Variants in ST6GALNAC3 observed in about 807,000 individuals in gnomAD.
ST6GALNAC3 encodes the protein alpha-N-acetylgalactosaminide alpha-2,6-sialyltransferase 3.
Under a neutral mutation model 32.7 loss-of-function variants are expected in ST6GALNAC3, and 25 were observed. The observed-to-expected ratio is 0.76, with a 90% confidence interval of 0.56 to 1.07. ST6GALNAC3 has a LOEUF of 1.07. Ranked by LOEUF, ST6GALNAC3 falls within the 50% of genes least tolerant of loss-of-function variation. The probability of loss-of-function intolerance (pLI) is 0.00; values close to 1 mark genes in which losing one functional copy is unlikely to be tolerated. For missense variants in ST6GALNAC3, 355 were observed against 382.4 expected, an observed-to-expected ratio of 0.93 and a Z score of 0.60; for synonymous variants, 129 against 133.1, an observed-to-expected ratio of 0.97 and a Z score of 0.21.
At chr1:76,457,657 G>T (rs568600153) in intron 3 of ST6GALNAC3, among the ~76,000 whole-genome samples, 1 of 152,022 alleles carries the variant, frequency 6.6e-6, no homozygotes, top group Non-Finnish European at 1.5e-5. Flanking sequence ...TTAATAAATG[G>T]TGCTTGGAAA....
intron 1 of ST6GALNAC3, among the ~76,000 whole-genome samples, chr1:76,083,261 G>A (rs1404175879): frequency 6.6e-6 from 1 of 152,268 alleles, no homozygotes; most frequent in African/African-American, 2.4e-5. Flanking sequence ...GCAAATGACT[G>A]TCGTGAGTTG....
chr1:76,237,772 A>G (rs914435748), intron 1 of ST6GALNAC3, among the ~76,000 whole-genome samples: 1 of 152,230 alleles, frequency 6.6e-6, no homozygotes, highest in Non-Finnish European at 1.5e-5. Context: ...CGCTGGTTTC[A>G]GTGTCATGTG....
chr1:76,584,615 A>G (rs1486535343), intron 3 of ST6GALNAC3, among the ~76,000 whole-genome samples: 1 of 152,212 alleles, frequency 6.6e-6, no homozygotes, highest in Admixed American at 6.5e-5. Context: ...GCAGCTTCAG[A>G]TATGAAATTA....
chr1:76,411,351 A>G (rs1055327458), intron 2 of ST6GALNAC3, among the ~76,000 whole-genome samples: 3 of 152,130 alleles, frequency 2.0e-5, no homozygotes, highest in Non-Finnish European at 2.9e-5. Context: ...CTGTCTGTGT[A>G]TATACCTTCC....
At chr1:76,277,693 C>T (rs968985845) in intron 1 of ST6GALNAC3, among the ~76,000 whole-genome samples, 4 of 150,764 alleles carry the variant, frequency 2.7e-5, no homozygotes, top group African/African-American at 7.3e-5. Context: ...TTTAACTTAA[C>T]GTGAAGGAGG....
chr1:76,422,798 T>C (rs1366094618), intron 3 of ST6GALNAC3, among the ~76,000 whole-genome samples: 2 of 152,088 alleles, frequency 1.3e-5, no homozygotes, highest in African/African-American at 2.4e-5. Flanking sequence ...ATCTTTATTC[T>C]ATTGGCATAT....
chr1:76,190,616 G>A (rs1325634874), intron 1 of ST6GALNAC3, among the ~76,000 whole-genome samples: 2 of 152,198 alleles, frequency 1.3e-5, no homozygotes, highest in South Asian at 2.1e-4. Flanking sequence ...TAATTTACCC[G>A]TGTTGATCAG....
At chr1:76,491,085 C>T (rs1464838325) in intron 3 of ST6GALNAC3, among the ~76,000 whole-genome samples, 2 of 151,926 alleles carry the variant, frequency 1.3e-5, no homozygotes, top group African/African-American at 4.8e-5. Flanking sequence ...CTCGAACTCC[C>T]AACCTCAGGT....
intron 3 of ST6GALNAC3, among the ~76,000 whole-genome samples, chr1:76,510,998 A>C (rs1448720522): frequency 6.6e-6 from 1 of 152,174 alleles, no homozygotes; most frequent in Non-Finnish European, 1.5e-5. Flanking sequence ...ATCTGTATGT[A>C]TTAACTCATT....
chr1:76,110,465 A>AGT (rs1647845562), intron 1 of ST6GALNAC3, among the ~76,000 whole-genome samples: 1 of 152,274 alleles, frequency 6.6e-6, no homozygotes, highest in African/African-American at 2.4e-5. Flanking sequence ...TTGTGAGCAC[A>AGT]GTGTGTGTGA....
At chr1:76,142,149 A>T (rs1417488744) in intron 1 of ST6GALNAC3, among the ~76,000 whole-genome samples, 1 of 152,118 alleles carries the variant, frequency 6.6e-6, no homozygotes, top group Admixed American at 6.5e-5. Context: ...AGGTATGGAG[A>T]TGGGAGGGAA....
At chr1:76,111,018 G>T (rs1475686006) in intron 1 of ST6GALNAC3, among the ~76,000 whole-genome samples, 2 of 152,204 alleles carry the variant, frequency 1.3e-5, no homozygotes, top group Non-Finnish European at 2.9e-5. Flanking sequence ...AATCTGGAAA[G>T]ATGGCAGAAG....
At chr1:76,191,665 A>G (rs1653904059) in intron 1 of ST6GALNAC3, among the ~76,000 whole-genome samples, 1 of 152,116 alleles carries the variant, frequency 6.6e-6, no homozygotes, top group Admixed American at 6.6e-5. Context: ...ACAATGTGTC[A>G]ACTAAAAAAT....
rs1360109841 is a variant in ST6GALNAC3 at position 76,279,940 on chromosome 1, G to A, written c.19-33865G>A. 1.1e-4 allele frequency among the ~76,000 whole-genome samples: 16 copies of A among 151,948 alleles called. No homozygotes were observed. In the East Asian group the frequency reaches 3.1e-3, roughly 30 times the overall value. On this transcript the variant is annotated intron_variant, in intron 1 of 4. Coordinates refer to ENST00000328299, the MANE Select transcript of ST6GALNAC3 (RefSeq NM_152996.4). ...GTGTTTTCCTATTATAAAGAGTTCGGGAGAAAGTGGGGTGCTTGCTAACCA... is the reference window on the plus strand; with the variant it reads ...GTGTTTTCCTATTATAAAGAGTTCGAGAGAAAGTGGGGTGCTTGCTAACCA...
intron 2 of ST6GALNAC3, among the ~76,000 whole-genome samples, chr1:76,340,805 C>A (rs138808120): frequency 2.6e-5 from 4 of 151,922 alleles, no homozygotes; most frequent in African/African-American, 9.7e-5. Context: ...AGAGAAGACA[C>A]CTCTCAGAAT....
At chr1:76,544,079 T>TTATATATA (rs3086266) in intron 3 of ST6GALNAC3, among the ~76,000 whole-genome samples, 16 of 145,468 alleles carry the variant, frequency 1.1e-4, no homozygotes, top group Admixed American at 4.8e-4. Flanking sequence ...TTAATTACAT[T>TTATATATA]TATATATATA....
At chr1:76,604,680 T>G (rs1456425889) in intron 3 of ST6GALNAC3, among the ~76,000 whole-genome samples, 1 of 152,216 alleles carries the variant, frequency 6.6e-6, no homozygotes, top group Non-Finnish European at 1.5e-5. Context: ...TTGGAATTTC[T>G]CAAGCTATGA....
chr1:76,405,898 A>G (rs1653794918), intron 2 of ST6GALNAC3, among the ~76,000 whole-genome samples: 1 of 152,030 alleles, frequency 6.6e-6, no homozygotes, highest in South Asian at 2.1e-4. Flanking sequence ...AGGCTGAGTA[A>G]TTATAAAAAT....
rs183318027 is a variant in ST6GALNAC3, at chr1:76,489,397, T to A, written c.623+76980T>A. On this transcript the variant is annotated intron_variant, in intron 3 of 4. Coordinates refer to ENST00000328299, the MANE Select transcript of ST6GALNAC3 (RefSeq NM_152996.4). ...ATTATTATGTTGTTGTTGACCATTATCTTCCACCATCCCTTTAAATATTTT... is the reference window on the plus strand; with the variant it reads ...ATTATTATGTTGTTGTTGACCATTAACTTCCACCATCCCTTTAAATATTTT... Among the ~76,000 whole-genome samples, 33 of 152,260 alleles carry A rather than the reference T, an allele frequency of 2.2e-4. No individual in the cohort carries two copies. The East Asian group carries it at 6.0e-3, about 28-fold the overall frequency.
Sources: allele counts gnomAD v4.1 joint callset (sites outside exome capture counted in the v4.1 genomes callset), GRCh38; gene constraint gnomAD v4.1.1; transcripts MANE v1.5; gene names NCBI Gene and HGNC (gene_info 2026-07-23, HGNC 2026-07-21).